The following TTN variants were observed in gnomAD, a reference collection of about 807,000 sequenced individuals.
TTN encodes the protein titin.
Under a neutral mutation model 3,223.0 loss-of-function variants are expected in TTN, and 1,525 were observed. The ratio of observed to expected loss-of-function variants is 0.47; its 90% confidence interval spans 0.45 to 0.49. The LOEUF is 0.49. Among genes scored for constraint, TTN ranks in the 20% least tolerant of loss-of-function variants. TTN has a pLI of 0.00. For synonymous variants in TTN, 14,094 were observed against 15,161.0 expected (o/e 0.93, Z 5.17); for missense variants, 40,786 against 43,424.0 (o/e 0.94, Z 5.40).
Position 178,603,905 on chromosome 2 carries a change from G to C in TTN, c.54782C>G (p.Ser18261Ter). 6.2e-7 allele frequency: 1 copy of C among 1,609,840 alleles called. No individual in the cohort carries two copies. Reference sequence around the variant, plus strand: ...GGGATCTCCTGCAACCTCTGGATCTGATGGTTCACTGGGAGGACCAATTCC... The same window carrying C: ...GGGATCTCCTGCAACCTCTGGATCTCATGGTTCACTGGGAGGACCAATTCC... ...AAGIGPPSEP[S>*]DPEVAGDPIF... The change falls in exon 282 of 363, where the codon TCA (serine) becomes TGA (stop). Residue 18261 changes from serine to a stop codon, truncating the protein, a stop_gained. Coordinates refer to ENST00000589042, the MANE Select transcript of TTN (RefSeq NM_001267550.2). LOFTEE classifies it high-confidence loss of function.
At position 178,595,704 on chromosome 2, in the gene TTN, G is replaced by A; in HGVS notation, c.57650C>T (p.Thr19217Ile). 6.2e-7 allele frequency: 1 copy of A among 1,608,896 alleles called. No homozygotes were observed. Among genetic ancestry groups the A allele is most frequent in the Non-Finnish European group, 8.5e-7 (1 of 1,177,682 alleles). ...SPEDDGGSPITNYVIEKRESD... is the reference protein window; with the variant it reads ...SPEDDGGSPIINYVIEKRESD... Reference sequence around the variant, plus strand: ...TTCACGCTTTTCAATGACATAATTGGTGATTGGAGAGCCTCCATCATCTTC... The same window carrying A: ...TTCACGCTTTTCAATGACATAATTGATGATTGGAGAGCCTCCATCATCTTC... Residue 19217 changes from threonine (T) to isoleucine (I), a missense_variant, in exon 295 of 363, where the codon ACC becomes ATC. Transcript: ENST00000589042.
chr2:178,649,969 C>T, intron 210 of TTN, 75 bp from the exon 211 acceptor site: 2 of 1,505,164 alleles, frequency 1.3e-6, no homozygotes, highest in Non-Finnish European at 1.8e-6. Context: ...GAATTAAAAA[C>T]CACACATATT....
Position 178,723,683 on chromosome 2 carries a change from A to G in TTN, c.21417T>C (p.Phe7139=), listed in dbSNP as rs886042283. The change falls in exon 74 of 363, where the codon TTT becomes TTC. Residue 7139 remains phenylalanine, a synonymous_variant. Coordinates refer to ENST00000589042, the MANE Select transcript of TTN (RefSeq NM_001267550.2). ...AVLTVQEPPS[F]VKEPEPLEVL... is the part of the protein sequence containing the mutation. Reference sequence around the variant, plus strand: ...CTTCCAAAGGTTCAGGTTCTTTCACAAAAGAGGGTGGTTCTATATAGACAT... The same window carrying G: ...CTTCCAAAGGTTCAGGTTCTTTCACGAAAGAGGGTGGTTCTATATAGACAT... 17 of 1,585,544 alleles carry G rather than the reference A, an allele frequency of 1.1e-5. No individual in the cohort carries two copies. The highest frequency in any genetic ancestry group is 1.5e-5 in the Non-Finnish European group (17 of 1,168,220).
rs777294088 is a variant in TTN at position 178,722,144 on chromosome 2, G to A, written c.22529-10C>T. The A allele has an allele frequency of 6.5e-7, 1 of 1,541,878 alleles. No individual in the cohort carries two copies. Among genetic ancestry groups the A allele is most frequent in the Middle Eastern group, 1.8e-4 (1 of 5,690 alleles). On this transcript the variant is annotated splice_polypyrimidine_tract_variant and intron_variant, in intron 77 of 362. Transcript: ENST00000589042. ...GGAGATTTCTTGGGTTCTGGAGGAT[G>A]AGAAGAAAGGCAATGTGTATTTTTT...
intron 282 of TTN, among the ~76,000 whole-genome samples, chr2:178,602,796 CA>C (rs1403657973): frequency 6.6e-6 from 1 of 151,786 alleles, no homozygotes; most frequent in Non-Finnish European, 1.5e-5. Flanking sequence ...ACAGAGAAAG[CA>C]AACAACTAAC....
chr2:178,749,384 C>A lies in TTN; in HGVS notation c.11311+3740G>T. The A allele has an allele frequency of 1.2e-6, 2 of 1,613,096 alleles. No individual in the cohort carries two copies. Among genetic ancestry groups the A allele is most frequent in the Non-Finnish European group, 1.7e-6 (2 of 1,179,440 alleles). The stretch of plus-strand genomic sequence containing the variant: ...GCTGATTTTTATGGTTCTTGAAGCA[C>A]CATGCACAAATCTGGGAATTTTTTC... On this transcript the variant is annotated intron_variant, in intron 47 of 362. Coordinates refer to ENST00000589042, the MANE Select transcript of TTN (RefSeq NM_001267550.2).
chr2:178,704,958 C>T lies in TTN; in HGVS notation c.29613G>A (p.Glu9871=). ...QEEETHRLEI[E]EIERSERDEK... ...CGTCCCTCTCTGACCTCTCTATTTC[C>T]TCAATTTCCTGAGAAGAACAAAAAT... Residue 9871 remains glutamate (E), a synonymous_variant, in exon 104 of 363, where the codon GAG becomes GAA. Transcript: ENST00000589042. 1 of 1,612,342 alleles carries T rather than the reference C, an allele frequency of 6.2e-7. No individual in the cohort carries two copies. The highest frequency in any genetic ancestry group is 8.5e-7 in the Non-Finnish European group (1 of 1,179,676).
intron 168 of TTN, 94 bp from the exon 169 acceptor site, chr2:178,664,192 TCC>T: frequency 7.8e-7 from 1 of 1,274,028 alleles, no homozygotes; most frequent in Non-Finnish European, 1.1e-6. Flanking sequence ...TATTTTTTTC[TCC>T]TGAGCTGAGA....
In TTN at chr2:178,620,270, C is replaced by G. The variant is rs993637686; in HGVS notation, c.46251G>C (p.Glu15417Asp). 1 of 1,543,756 alleles carries G rather than the reference C, an allele frequency of 6.5e-7. No individual in the cohort carries two copies. Among genetic ancestry groups the G allele is most frequent in the South Asian group, 1.3e-5 (1 of 77,520 alleles). The part of the protein sequence containing the change: ...DAVFSCQLSR[E>D]KANVKWYRNG... The stretch of plus-strand genomic sequence containing the variant: ...TTCTGTACCATTTTACATTGGCTTT[C>G]TCTCTGGAGAGCTGGCAGGAGAAGA... The change falls in exon 248 of 363, where the codon GAG (glutamate) becomes GAC (aspartate). Residue 15417 changes from glutamate (E) to aspartate (D), a missense_variant. By Grantham distance (45) the Glu-to-Asp change is conservative. Transcript: ENST00000589042.
intron 198 of TTN, 47 bp downstream of exon 198, chr2:178,653,191 C>A: frequency 6.2e-7 from 1 of 1,609,320 alleles, no homozygotes; most frequent in Non-Finnish European, 8.5e-7. Context: ...ATGTCTTCAA[C>A]TGCAAAAGAA....
At chr2:178,578,323 C>T in intron 321 of TTN, 138 bp from the exon 322 acceptor site, 1 of 831,882 alleles carries the variant, frequency 1.2e-6, no homozygotes, top group Non-Finnish European at 1.8e-6. Flanking sequence ...TTTTATTACC[C>T]AAGCATAGTG....
rs1171521240 is a variant in TTN, at chr2:178,574,590, G to T, written c.71542C>A (p.His23848Asn). The T allele has an allele frequency of 1.2e-6, 2 of 1,613,472 alleles. No individual in the cohort carries two copies. Among genetic ancestry groups the T allele is most frequent in the Middle Eastern group, 3.3e-4 (2 of 6,054 alleles). The change falls in exon 326 of 363, where the codon CAT (histidine) becomes AAT (asparagine). Residue 23848 changes from histidine (H) to asparagine (N), a missense_variant. By Grantham distance (68) the His-to-Asn change is moderately conservative. Coordinates refer to ENST00000589042, the MANE Select transcript of TTN (RefSeq NM_001267550.2). ...VTKDSMTISWHEPLSDGGSPI... is the reference protein window; with the variant it reads ...VTKDSMTISWNEPLSDGGSPI... ...CTTCCACCATCAGAAAGTGGCTCAT[G>T]CCAGCTAATTGTCATTGAATCCTTG...
chr2:178,643,631 T>C (rs555183760), intron 218 of TTN, among the ~76,000 whole-genome samples: 4 of 152,090 alleles, frequency 2.6e-5, no homozygotes, highest in Admixed American at 2.6e-4. Context: ...AAAAATCTTA[T>C]TGATGTTTGA....
rs749782273 is a variant in TTN at position 178,621,614 on chromosome 2, G to C, written c.45210C>G (p.Ile15070Met). 1 of 1,612,424 alleles carries C rather than the reference G, an allele frequency of 6.2e-7. No homozygotes were observed. The highest frequency in any genetic ancestry group is 1.1e-5 in the South Asian group (1 of 91,052). Residue 15070 changes from isoleucine to methionine, a missense_variant, in exon 245 of 363, where the codon ATC becomes ATG. Physicochemically the swap from Ile to Met is conservative, Grantham distance 10. Transcript: ENST00000589042. ...EVIWYKGDEE[I>M]IETGRYEILT... ...GTATTTCATATCTTCCTGTTTCAAT[G>C]ATCTCCTCATCCCCTTTATACCAAA...
At chr2:178,615,168 G>C in intron 259 of TTN, 139 bp downstream of exon 259, 1 of 1,110,542 alleles carries the variant, frequency 9.0e-7, no homozygotes, top group East Asian at 2.6e-5. Flanking sequence ...ACATTCAGCA[G>C]CACCTTTAAA....
Position 178,740,180 on chromosome 2 carries a change from C to T in TTN, c.13053G>A (p.Met4351Ile), listed in dbSNP as rs778125445. The change falls in exon 48 of 363, where the codon ATG becomes ATA. Residue 4351 changes from methionine to isoleucine, a missense_variant. Transcript: ENST00000589042. ...TAGACTCAATGATTTGGTCTGGGGG[C>T]ATCACCACGTTGTCAGAATGCTCTT... The part of the protein sequence containing the change: ...LKEEHSDNVV[M>I]PPDQIIESKR... 6.2e-7 allele frequency: 1 copy of T among 1,613,476 alleles called. No individual in the cohort carries two copies. Among genetic ancestry groups the T allele is most frequent in the South Asian group, 1.1e-5 (1 of 91,002 alleles).
rs397517774 is a variant in TTN, at chr2:178,540,071, G to A, written c.98095C>T (p.Leu32699Phe). Reference sequence around the variant, plus strand: ...AGCAAATGATCATATGTCTCACCAAGCATTTCAGTGACTTTGACTGTTCCT... The same window carrying A: ...AGCAAATGATCATATGTCTCACCAAACATTTCAGTGACTTTGACTGTTCCT... The part of the protein sequence containing the change: ...VPGTVKVTEM[L>F]EYPDYELDER... The change falls in exon 351 of 363, where the codon CTT becomes TTT. Residue 32699 changes from leucine (L) to phenylalanine (F), a missense_variant. Physicochemically the swap from Leu to Phe is conservative, Grantham distance 22. Coordinates refer to ENST00000589042, the MANE Select transcript of TTN (RefSeq NM_001267550.2). The A allele has an allele frequency of 5.6e-6, 9 of 1,598,340 alleles. No homozygotes were observed. Among genetic ancestry groups the A allele is most frequent in the Middle Eastern group, 1.7e-4 (1 of 5,998 alleles).
chr2:178,563,664 A>T lies in TTN; in HGVS notation c.82468T>A (p.Trp27490Arg), dbSNP rs757683923. The T allele has an allele frequency of 6.2e-7, 1 of 1,613,650 alleles. No homozygotes were observed. ...AITKDSMVVT[W>R]ARPVDDGGTE... ...CCTCCGTCGTCTACTGGGCGTGCCCATGTTACTACCATAGAATCTTTGGTG... is the reference window on the plus strand; with the variant it reads ...CCTCCGTCGTCTACTGGGCGTGCCCTTGTTACTACCATAGAATCTTTGGTG... The change falls in exon 326 of 363, where the codon TGG becomes AGG. Residue 27490 changes from tryptophan (W) to arginine (R), a missense_variant. Physicochemically the swap from Trp to Arg is moderately radical, Grantham distance 101. Transcript: ENST00000589042. The surrounding 1 kb of genome is among the most constrained non-coding windows in gnomAD (Gnocchi z 4.5).
At position 178,729,101 on chromosome 2, in the gene TTN, T is replaced by A; in HGVS notation, c.18937A>T (p.Ser6313Cys). Reference protein sequence around the residue: ...TVLKSSATFQSTVAGSPPISI... With the variant: ...TVLKSSATFQCTVAGSPPISI... ...ATAGGAGGAGAACCTGCCACGGTACTCTGAAAGGTGGCAGAACTTTTCAAA... is the reference window on the plus strand; with the variant it reads ...ATAGGAGGAGAACCTGCCACGGTACACTGAAAGGTGGCAGAACTTTTCAAA... The change falls in exon 65 of 363, where the codon AGT (serine) becomes TGT (cysteine). Residue 6313 changes from serine (S) to cysteine (C), a missense_variant. By Grantham distance (112) the Ser-to-Cys change is moderately radical (BLOSUM62 -1). Transcript: ENST00000589042. 6.2e-7 allele frequency: 1 copy of A among 1,611,122 alleles called. No homozygotes were observed. Among genetic ancestry groups the A allele is most frequent in the South Asian group, 1.1e-5 (1 of 90,478 alleles).
Sources: allele counts gnomAD v4.1 joint callset (sites outside exome capture counted in the v4.1 genomes callset), GRCh38; gene constraint gnomAD v4.1.1; non-coding constraint Gnocchi (gnomAD v3.1); transcripts MANE v1.5; gene names NCBI Gene and HGNC (gene_info 2026-07-23, HGNC 2026-07-21).